Variants in KIF18A observed in about 807,000 individuals in gnomAD.
KIF18A encodes kinesin-like protein KIF18A.
Under a neutral mutation model 103.3 loss-of-function variants are expected in KIF18A, and 67 were observed. The observed-to-expected ratio is 0.65, with a 90% CI of 0.53 to 0.79. KIF18A has a LOEUF of 0.79. KIF18A is among the 30% of genes least tolerant of loss of function. The pLI is 0.00. For synonymous variants in KIF18A, 367 were observed against 355.5 expected, an observed-to-expected ratio of 1.03 and a Z score of -0.36; for missense variants, 1,032 against 1,062.5, an observed-to-expected ratio of 0.97 and a Z score of 0.40.
Position 28,036,230 on chromosome 11 carries a change from C to T in KIF18A, c.2383G>A (p.Asp795Asn), listed in dbSNP as rs1177513521. The T allele has an allele frequency of 6.3e-7, 1 of 1,578,446 alleles. No individual in the cohort carries two copies. Among genetic ancestry groups the T allele is most frequent in the Non-Finnish European group, 8.6e-7 (1 of 1,161,892 alleles). ...EQESLPNDNK[D>N]ILQRLDPSSF... ...ATTTTTTTGTACCGTTGTAAAATGTCTTTGTTATCATTTGGTAGTGATTCT... is the reference window on the plus strand; with the variant it reads ...ATTTTTTTGTACCGTTGTAAAATGTTTTTGTTATCATTTGGTAGTGATTCT... The change falls in exon 14 of 17, where the codon GAC becomes AAC. Residue 795 changes from aspartate (D) to asparagine (N), a missense_variant. By Grantham distance (23) the Asp-to-Asn change is conservative. Coordinates refer to ENST00000263181, the MANE Select transcript of KIF18A (RefSeq NM_031217.4).
chr11:28,057,967 C>T lies in KIF18A; in HGVS notation c.1948+959G>A, dbSNP rs771923056. Among the ~76,000 whole-genome samples the T allele has an allele frequency of 1.6e-3, 238 of 151,974 alleles. 11 individuals are homozygous for T. Among genetic ancestry groups the T allele is most frequent in the Non-Finnish European group, 1.5e-3 (101 of 67,990 alleles). ...TAATGTGCTAGCATTCACGTGAAAC[C>T]TAACAAAAAGCTTTATGTAATACAT... On this transcript the variant is annotated intron_variant, in intron 13 of 16. Coordinates refer to ENST00000263181, the MANE Select transcript of KIF18A (RefSeq NM_031217.4).
intron 13 of KIF18A, among the ~76,000 whole-genome samples, chr11:28,045,107 T>A (rs934991009): frequency 6.6e-6 from 1 of 152,070 alleles, no homozygotes; most frequent in African/African-American, 2.4e-5. Context: ...GGTAGTGTAA[T>A]AAAAGCAATA....
chr11:28,047,124 T>A (rs1850647058), intron 13 of KIF18A, among the ~76,000 whole-genome samples: 1 of 147,068 alleles, frequency 6.8e-6, no homozygotes, highest in Non-Finnish European at 1.5e-5. Context: ...TATATAATCA[T>A]CCAGCATATA....
intron 10 of KIF18A, among the ~76,000 whole-genome samples, chr11:28,073,136 A>T (rs1851042410): frequency 6.6e-6 from 1 of 152,146 alleles, no homozygotes; most frequent in Admixed American, 6.6e-5. Flanking sequence ...ATCATGTGCC[A>T]ACTCCAGTCC....
chr11:28,023,825 C>A lies in KIF18A; in HGVS notation c.2530G>T (p.Ala844Ser). The A allele has an allele frequency of 6.2e-7, 1 of 1,611,776 alleles. No homozygotes were observed. Among genetic ancestry groups the A allele is most frequent in the Non-Finnish European group, 8.5e-7 (1 of 1,178,334 alleles). ...TTGGCAAATCCAGAATTTACGTCTGCAGTTAACGAACTGTTTGATGTAGAA... is the reference window on the plus strand; with the variant it reads ...TTGGCAAATCCAGAATTTACGTCTGAAGTTAACGAACTGTTTGATGTAGAA... Reference protein sequence around the residue: ...TSSTSNSSLTADVNSGFAKRV... With the variant: ...TSSTSNSSLTSDVNSGFAKRV... The change falls in exon 16 of 17, where the codon GCA becomes TCA. Residue 844 changes from alanine (A) to serine (S), a missense_variant. Ala to Ser is a moderately conservative substitution (Grantham distance 99). Transcript: ENST00000263181.
intron 15 of KIF18A, among the ~76,000 whole-genome samples, chr11:28,031,925 T>G (rs933537096): frequency 2.6e-5 from 4 of 151,640 alleles, no homozygotes; most frequent in Non-Finnish European, 5.9e-5. Context: ...ACATCCAAAT[T>G]GGAAAGGAAG....
At position 28,036,111 on chromosome 11, in the gene KIF18A, C is replaced by T. The variant is rs753220474; in HGVS notation, c.2396+106G>A. On this transcript the variant is annotated intron_variant, in intron 14 of 16. Coordinates refer to ENST00000263181, the MANE Select transcript of KIF18A (RefSeq NM_031217.4). ...TAAAATTTAATGAAAATAAAACAGA[C>T]TGTTTTATAATCAAAATGGCACACT... The T allele has an allele frequency of 4.9e-5, 31 of 638,192 alleles. No homozygotes were observed. The South Asian group carries it at 6.9e-4, about 14-fold the overall frequency. 39.5% of individuals were successfully genotyped at this position (638,192 alleles called of 1,614,324 possible).
chr11:28,022,755 A>T (rs1850263196), intron 16 of KIF18A, among the ~76,000 whole-genome samples: 1 of 152,172 alleles, frequency 6.6e-6, no homozygotes, highest in South Asian at 2.1e-4. Flanking sequence ...TTACTGTCTG[A>T]TGTTTCAATT....
At chr11:28,100,366 A>G (rs1029005884) in intron 1 of KIF18A, among the ~76,000 whole-genome samples, 1 of 152,152 alleles carries the variant, frequency 6.6e-6, no homozygotes, top group Admixed American at 6.5e-5. Context: ...AGGAGGAAAC[A>G]GCGATCTATT....
At chr11:28,092,551 A>G (rs1851320288) in intron 3 of KIF18A, among the ~76,000 whole-genome samples, 2 of 152,338 alleles carry the variant, frequency 1.3e-5, no homozygotes, top group East Asian at 3.9e-4. Context: ...TTTTATAAGT[A>G]ACACACATTT....
At chr11:28,024,191 T>TAAAAAAAAA (rs60587483) in intron 15 of KIF18A, among the ~76,000 whole-genome samples, 3 of 111,056 alleles carry the variant, frequency 2.7e-5, no homozygotes, top group African/African-American at 3.3e-5. Context: ...CACAAGAGGT[T>TAAAAAAAAA]AAAAAAAAAA....
chr11:28,033,173 G>C (rs1420398288), intron 15 of KIF18A, among the ~76,000 whole-genome samples: 1 of 151,630 alleles, frequency 6.6e-6, no homozygotes, highest in African/African-American at 2.4e-5. Context: ...TCTCACCCCA[G>C]TTAAAATGGC....
At chr11:28,043,739 A>G (rs1191318901) in intron 13 of KIF18A, among the ~76,000 whole-genome samples, 2 of 152,020 alleles carry the variant, frequency 1.3e-5, no homozygotes, top group African/African-American at 4.8e-5. Context: ...CTCCTGAGCA[A>G]AAATGGGGGG....
chr11:28,084,525 C>A, intron 7 of KIF18A, 107 bp downstream of exon 7: 1 of 882,258 alleles, frequency 1.1e-6, no homozygotes, highest in Non-Finnish European at 1.7e-6. Context: ...CCCTCAGCTG[C>A]CTAACTCATT....
At chr11:28,028,084 A>C (rs1850343912) in intron 15 of KIF18A, among the ~76,000 whole-genome samples, 1 of 152,092 alleles carries the variant, frequency 6.6e-6, no homozygotes, top group African/African-American at 2.4e-5. Context: ...AATAGAATGA[A>C]GAACAAAAAC....
chr11:28,094,515 A>G (rs1851343204), intron 3 of KIF18A, 128 bp downstream of exon 3: 7 of 771,138 alleles, frequency 9.1e-6, no homozygotes, highest in Non-Finnish European at 1.4e-5. Context: ...ATGCATAACA[A>G]ATATTCAAGA....
intron 13 of KIF18A, among the ~76,000 whole-genome samples, chr11:28,040,998 G>A (rs1850551769): frequency 6.6e-6 from 1 of 151,570 alleles, no homozygotes; most frequent in Non-Finnish European, 1.5e-5. Context: ...TTGAATCCAG[G>A]ATCAACATAT....
At chr11:28,038,559 AATAAG>A (rs1424352742) in intron 13 of KIF18A, among the ~76,000 whole-genome samples, 4 of 151,722 alleles carry the variant, frequency 2.6e-5, no homozygotes, top group African/African-American at 9.7e-5. Context: ...TTGAAAGCAG[AATAAG>A]ATAAGTGTTA....
intron 11 of KIF18A, among the ~76,000 whole-genome samples, chr11:28,068,434 A>C (rs1850965884): frequency 1.9e-5 from 2 of 108,020 alleles, no homozygotes; most frequent in African/African-American, 2.8e-5. Flanking sequence ...ACTTAAAGTT[A>C]AAAAAAAAAA....
Sources: gnomAD v4.1 joint callset for allele counts (sites outside exome capture counted in the v4.1 genomes callset) on GRCh38, gnomAD v4.1.1 for gene constraint, MANE v1.5 for transcripts, NCBI Gene and HGNC (gene_info 2026-07-23, HGNC 2026-07-21) for gene names.